The following OCLN variants were observed in gnomAD, a reference collection of about 807,000 sequenced individuals.
OCLN encodes the protein phosphatase 1, regulatory subunit 115.
OCLN carries 21 observed loss-of-function variants against 47.9 expected under a neutral mutation model. The ratio of observed to expected loss-of-function variants is 0.44; its 90% CI spans 0.31 to 0.63. OCLN has a LOEUF of 0.63. Ranked by LOEUF, OCLN falls within the 30% of genes least tolerant of loss-of-function variation. The pLI is 0.08. For synonymous variants in OCLN, 117 were observed against 198.4 expected, an observed-to-expected ratio of 0.59 and a Z score of 3.45; for missense variants, 360 against 571.0, an observed-to-expected ratio of 0.63 and a Z score of 3.77.
chr5:69,526,826 T>G (rs183061422), intron 4 of OCLN, among the ~76,000 whole-genome samples: 6 of 152,346 alleles, frequency 3.9e-5, no homozygotes, highest in African/African-American at 1.4e-4. Context: ...TGGCCATACA[T>G]TCCTATTCAA....
chr5:69,495,379 T>A (rs1768261807), intron 1 of OCLN, among the ~76,000 whole-genome samples: 1 of 151,966 alleles, frequency 6.6e-6, no homozygotes, highest in African/African-American at 2.4e-5. Flanking sequence ...AGGTCAGGAG[T>A]GGGGCCTGGG....
rs28562785 is a variant in OCLN at position 69,509,542 on chromosome 5, C to T, written c.452C>T (p.Ala151Val). ...MLAMAAFCFI[A>V]ALVIFVTSVI... is the part of the protein sequence containing the mutation. ...GCCATGGCTGCCTTTTGTTTCATTG[C>T]CGCGTTGGTGATCTTTGTTACCAGT... is the stretch of plus-strand genomic sequence containing the variant. Residue 151 changes from alanine to valine, a missense_variant, in exon 3 of 9, where the codon GCC becomes GTC. Ala to Val is a moderately conservative substitution (Grantham distance 64). Coordinates refer to ENST00000396442, the MANE Select transcript of OCLN (RefSeq NM_001205254.2). The T allele has an allele frequency of 4.6e-4, 735 of 1,614,136 alleles. 2 individuals are homozygous for T. In the African/African-American group the frequency reaches 8.8e-3, roughly 19 times the overall value.
rs1184153484 is a variant in OCLN at position 69,493,359 on chromosome 5, C to T, written c.-69+459C>T. On this transcript the variant is annotated intron_variant, in intron 1 of 8. Coordinates refer to ENST00000396442, the MANE Select transcript of OCLN (RefSeq NM_001205254.2). This position sits in a 1 kb window ranked among gnomAD's most constrained non-coding sequence, Gnocchi z 5.3. ...CGAGGCGGCTGTTCGGCGGCCCGGG[C>T]GGCTTAGATCCCGGGGGGAATTTCA... 6.6e-6 allele frequency among the ~76,000 whole-genome samples: 1 copy of T among 151,996 alleles called. No individual in the cohort carries two copies. The highest frequency in any genetic ancestry group is 1.5e-5 in the Non-Finnish European group (1 of 68,002).
chr5:69,499,882 G>T (rs1395291646), intron 1 of OCLN, among the ~76,000 whole-genome samples: 1 of 152,188 alleles, frequency 6.6e-6, no homozygotes, highest in Non-Finnish European at 1.5e-5. Context: ...ACTGCGCCCA[G>T]CTCTTTAAGA....
rs758082864 is a variant in OCLN at position 69,493,842 on chromosome 5, C to G, written c.-69+942C>G. Among the ~76,000 whole-genome samples the G allele has an allele frequency of 1.3e-5, 2 of 152,206 alleles. No individual in the cohort carries two copies. Among genetic ancestry groups the G allele is most frequent in the African/African-American group, 4.8e-5 (2 of 41,474 alleles). The stretch of plus-strand genomic sequence containing the variant: ...CAGGGGTCGAGGGCCAAGATGGCCT[C>G]TGCGCCTAGGGGTTGGGAGCGGCGC... On this transcript the variant is annotated intron_variant, in intron 1 of 8. Coordinates refer to ENST00000396442, the MANE Select transcript of OCLN (RefSeq NM_001205254.2). This position sits in a 1 kb window ranked among gnomAD's most constrained non-coding sequence, Gnocchi z 5.3.
At chr5:69,526,605 G>C (rs1406576459) in intron 4 of OCLN, among the ~76,000 whole-genome samples, 3 of 152,236 alleles carry the variant, frequency 2.0e-5, no homozygotes, top group South Asian at 2.1e-4. Flanking sequence ...ATTTACCTTT[G>C]GTGGTGTCAA....
chr5:69,504,485 C>T (rs186298148), intron 2 of OCLN, among the ~76,000 whole-genome samples, 191 bp downstream of exon 2: 120 of 152,322 alleles, frequency 7.9e-4, no homozygotes, highest in African/African-American at 2.8e-3. Context: ...TTTGTCTCTG[C>T]TAGGACAACT....
chr5:69,505,312 A>G (rs1489157629), intron 2 of OCLN, among the ~76,000 whole-genome samples: 1 of 152,238 alleles, frequency 6.6e-6, no homozygotes, highest in African/African-American at 2.4e-5. Context: ...ATACTTTACA[A>G]TTTACCCATT....
rs115933288 is a variant in OCLN at position 69,493,354 on chromosome 5, C to T, written c.-69+454C>T. On this transcript the variant is annotated intron_variant, in intron 1 of 8. Coordinates refer to ENST00000396442, the MANE Select transcript of OCLN (RefSeq NM_001205254.2). The surrounding 1 kb of genome is among the most constrained non-coding windows in gnomAD (Gnocchi z 5.3). ...TGCAGCGAGGCGGCTGTTCGGCGGC[C>T]CGGGCGGCTTAGATCCCGGGGGGAA... 4.7e-3 allele frequency among the ~76,000 whole-genome samples: 718 copies of T among 152,118 alleles called. 3 individuals are homozygous for T. Among genetic ancestry groups the T allele is most frequent in the African/African-American group, 0.016 (669 of 41,512 alleles).
rs1392066729 is a variant in OCLN at position 69,553,774 on chromosome 5, G to A, written c.*103G>A. Reference sequence around the variant, plus strand: ...CCATAACCCCGGAAGCCAAACCTCTGTGAGCATCACAAAGTTTTGGTTGCT... The same window carrying A: ...CCATAACCCCGGAAGCCAAACCTCTATGAGCATCACAAAGTTTTGGTTGCT... On this transcript the variant is annotated 3_prime_UTR_variant, in exon 9 of 9. Transcript: ENST00000396442. 1.3e-5 allele frequency: 21 copies of A among 1,582,900 alleles called. No individual in the cohort carries two copies. Among genetic ancestry groups the A allele is most frequent in the Middle Eastern group, 3.4e-4 (2 of 5,874 alleles).
chr5:69,510,600 C>T (rs56016558), intron 3 of OCLN, among the ~76,000 whole-genome samples: 29,564 of 151,954 alleles, frequency 0.19, 3,983 homozygotes, highest in African/African-American at 0.38. Flanking sequence ...GAAGAAATGG[C>T]GTGAACCCGG....
chr5:69,493,157 A>G lies in OCLN; in HGVS notation c.-69+257A>G, dbSNP rs1768188588. ...CGCCGATCAAGCTTTATTCCGCGGA[A>G]ACGCTGAAAGCTAGCAGTGCCTCAG... On this transcript the variant is annotated intron_variant, in intron 1 of 8. Transcript: ENST00000396442. The surrounding 1 kb of genome is among the most constrained non-coding windows in gnomAD (Gnocchi z 5.3). Among the ~76,000 whole-genome samples the G allele has an allele frequency of 6.6e-6, 1 of 152,134 alleles. No homozygotes were observed. Among genetic ancestry groups the G allele is most frequent in the Admixed American group, 6.5e-5 (1 of 15,270 alleles).
intron 1 of OCLN, among the ~76,000 whole-genome samples, chr5:69,494,098 TG>T (rs1294121049): frequency 6.6e-6 from 1 of 152,212 alleles, no homozygotes; most frequent in Non-Finnish European, 1.5e-5. Context: ...TGGTGTTTTT[TG>T]GTGATTCTTG....
At chr5:69,524,549 T>C (rs747541883) in intron 4 of OCLN, among the ~76,000 whole-genome samples, 2 of 152,280 alleles carry the variant, frequency 1.3e-5, no homozygotes, top group Non-Finnish European at 2.9e-5. Flanking sequence ...TTAATACATG[T>C]TGATGGAGTT....
chr5:69,500,927 CT>C (rs1194713624), intron 1 of OCLN, among the ~76,000 whole-genome samples: 27 of 146,972 alleles, frequency 1.8e-4, no homozygotes, highest in East Asian at 4.0e-4. Context: ...TTCTGTTTTA[CT>C]TTTTTTTTTT....
chr5:69,528,360 A>G (rs574706780), intron 4 of OCLN, among the ~76,000 whole-genome samples: 18 of 152,096 alleles, frequency 1.2e-4, no homozygotes, highest in East Asian at 1.9e-4. Flanking sequence ...GGAAAATCCT[A>G]CTCTTTCCTT....
chr5:69,509,011 A>C, intron 2 of OCLN, 130 bp from the exon 3 acceptor site: 2 of 798,178 alleles, frequency 2.5e-6, no homozygotes, highest in Non-Finnish European at 4.2e-6. Flanking sequence ...CAAGCCCTCC[A>C]GGTGATTCCT....
intron 4 of OCLN, among the ~76,000 whole-genome samples, chr5:69,524,469 A>T (rs1769223918): frequency 6.6e-6 from 1 of 152,292 alleles, no homozygotes; most frequent in Non-Finnish European, 1.5e-5. Context: ...GGTGTTTTTT[A>T]ACTTTGTAGA....
chr5:69,524,364 AGAGGT>A (rs1769222026), intron 4 of OCLN, among the ~76,000 whole-genome samples: 1 of 152,206 alleles, frequency 6.6e-6, no homozygotes, highest in African/African-American at 2.4e-5. Flanking sequence ...ACCTGCCCCC[AGAGGT>A]AGCCTATCTA....
Sources: allele counts gnomAD v4.1 joint callset (sites outside exome capture counted in the v4.1 genomes callset), GRCh38; gene constraint gnomAD v4.1.1; non-coding constraint Gnocchi (gnomAD v3.1); transcripts MANE v1.5; gene names NCBI Gene and HGNC (gene_info 2026-07-23, HGNC 2026-07-21).